RNF13: variants seen among roughly 807,000 people sequenced by gnomAD.
RNF13 encodes ring finger protein 13.
A neutral mutation model predicts 37.7 loss-of-function variants in RNF13; 19 were observed. The observed-to-expected ratio is 0.50, with a 90% confidence interval of 0.35 to 0.74. The LOEUF (loss-of-function observed/expected upper bound fraction) is 0.74, where lower values mean the gene tolerates loss of function less well. Ranked by LOEUF, RNF13 falls within the 30% of genes least tolerant of loss-of-function variation. RNF13 has a pLI of 0.01. For missense variants in RNF13, 375 were observed against 453.0 expected (o/e 0.83, Z 1.56); for synonymous variants, 144 against 157.8 (o/e 0.91, Z 0.65).
intron 8 of RNF13, among the ~76,000 whole-genome samples, chr3:149,922,362 G>A (rs1323078924): frequency 6.6e-6 from 1 of 152,176 alleles, no homozygotes; most frequent in Non-Finnish European, 1.5e-5. Flanking sequence ...TTTCAGTTAA[G>A]AATGAATGAA....
At chr3:149,875,061 G>T (rs1712530200) in intron 4 of RNF13, among the ~76,000 whole-genome samples, 1 of 152,026 alleles carries the variant, frequency 6.6e-6, no homozygotes, top group African/African-American at 2.4e-5. Context: ...AATTTTGTAT[G>T]ATGCATTGAC....
chr3:149,917,364 AATT>A (rs1717645618), intron 7 of RNF13: 1 of 152,200 alleles, frequency 6.6e-6, no homozygotes, highest in South Asian at 2.1e-4. Context: ...CTCAATAAAA[AATT>A]CTGTTTCTTG....
intron 1 of RNF13, among the ~76,000 whole-genome samples, chr3:149,823,257 C>G (rs1018262922): frequency 6.6e-6 from 1 of 152,046 alleles, no homozygotes; most frequent in African/African-American, 2.4e-5. Context: ...TATGGAAAGA[C>G]AGTGGAACCT....
chr3:149,863,929 A>G (rs1014307395), intron 3 of RNF13, among the ~76,000 whole-genome samples: 12 of 150,974 alleles, frequency 7.9e-5, no homozygotes, highest in African/African-American at 2.9e-4. Flanking sequence ...TTGCTAGTGT[A>G]AGCACAATCC....
intron 7 of RNF13, 106 bp downstream of exon 7, chr3:149,912,189 A>G: frequency 1.8e-6 from 1 of 543,822 alleles, no homozygotes; most frequent in Non-Finnish European, 3.2e-6. Context: ...AAGAGTACAT[A>G]TTATATAAAT....
At chr3:149,931,745 T>C (rs1719183532) in intron 8 of RNF13, among the ~76,000 whole-genome samples, 1 of 152,202 alleles carries the variant, frequency 6.6e-6, no homozygotes, top group Non-Finnish European at 1.5e-5. Context: ...TACATAACTT[T>C]ATTGTTAACT....
At chr3:149,818,868 G>A (rs539059041) in intron 1 of RNF13, among the ~76,000 whole-genome samples, 5 of 152,060 alleles carry the variant, frequency 3.3e-5, no homozygotes, top group East Asian at 1.9e-4. Context: ...CCAAGACCGC[G>A]GCACTGTACT....
chr3:149,893,258 T>G (rs1479025501), intron 4 of RNF13, among the ~76,000 whole-genome samples: 1 of 152,252 alleles, frequency 6.6e-6, no homozygotes, highest in Non-Finnish European at 1.5e-5. Flanking sequence ...GTTGCATGTT[T>G]GCCTTCACAC....
rs936078272 is a variant in RNF13 at position 149,813,295 on chromosome 3, C to T, written c.-75C>T. ...TTCAGTCATGAAATCAGGGTAGGGA[C>T]TTCTCCCGCAGCGACGCGGCTGGCA... On this transcript the variant is annotated 5_prime_UTR_variant, in exon 1 of 10. Transcript: ENST00000392894. 1 of 152,264 alleles carries T rather than the reference C, an allele frequency of 6.6e-6. No homozygotes were observed. Among genetic ancestry groups the T allele is most frequent in the Non-Finnish European group, 1.5e-5 (1 of 68,116 alleles). The allele number at this position is 152,264 out of a possible 1,614,324, so 9.4% of individuals were successfully genotyped here.
chr3:149,903,397 T>A (rs1440117735), intron 6 of RNF13, among the ~76,000 whole-genome samples: 2 of 152,044 alleles, frequency 1.3e-5, no homozygotes, highest in African/African-American at 4.8e-5. Flanking sequence ...TAAGAAGTAA[T>A]ATATAGATAC....
chr3:149,822,899 A>C (rs1295936225), intron 1 of RNF13, among the ~76,000 whole-genome samples: 1 of 152,166 alleles, frequency 6.6e-6, no homozygotes, highest in Non-Finnish European at 1.5e-5. Context: ...GCTAATTTGA[A>C]TATGTAAATT....
chr3:149,943,680 A>C (rs560040593), intron 8 of RNF13, among the ~76,000 whole-genome samples: 15 of 152,112 alleles, frequency 9.9e-5, no homozygotes, highest in South Asian at 6.2e-4. Context: ...CTGCCTGTTT[A>C]TCTCTCCCTT....
intron 1 of RNF13, among the ~76,000 whole-genome samples, chr3:149,817,490 A>G (rs1719587351): frequency 6.6e-6 from 1 of 152,186 alleles, no homozygotes; most frequent in Admixed American, 6.5e-5. Flanking sequence ...ATTGTTGAAC[A>G]TTTGAACATC....
intron 8 of RNF13, among the ~76,000 whole-genome samples, chr3:149,941,202 C>A (rs1298606369): frequency 2.0e-5 from 3 of 152,182 alleles, no homozygotes; most frequent in Non-Finnish European, 2.9e-5. Context: ...TGAATTCTTT[C>A]TGGATATATA....
At chr3:149,890,449 A>G (rs1439796270) in intron 4 of RNF13, among the ~76,000 whole-genome samples, 1 of 152,228 alleles carries the variant, frequency 6.6e-6, no homozygotes, top group Non-Finnish European at 1.5e-5. Context: ...AGCAATGGCA[A>G]TAAACATAAC....
At chr3:149,831,654 G>C (rs1021623253) in intron 1 of RNF13, among the ~76,000 whole-genome samples, 5 of 152,192 alleles carry the variant, frequency 3.3e-5, no homozygotes, top group Admixed American at 6.5e-5. Flanking sequence ...GGACTTTTGA[G>C]TTAATGCTGA....
At chr3:149,931,922 G>A (rs1228781297) in intron 8 of RNF13, among the ~76,000 whole-genome samples, 4 of 152,062 alleles carry the variant, frequency 2.6e-5, no homozygotes, top group East Asian at 1.9e-4. Context: ...TCCCACATAC[G>A]AGTGAGAACA....
chr3:149,846,011 G>A lies in RNF13; in HGVS notation c.-16G>A, dbSNP rs1284845146. 6.4e-7 allele frequency: 1 copy of A among 1,555,672 alleles called. No individual in the cohort carries two copies. The highest frequency in any genetic ancestry group is 2.2e-5 in the East Asian group (1 of 44,570). The stretch of plus-strand genomic sequence containing the variant: ...AGTTACTCACATCCTTGTCTTCCAG[G>A]TGATTTTACAACGAGATGCTGCTCT... On this transcript the variant is annotated splice_region_variant and 5_prime_UTR_variant, in exon 2 of 10. The change creates a new upstream start codon in the 5' untranslated region. Transcript: ENST00000392894.
chr3:149,935,646 C>T (rs1035483810), intron 8 of RNF13, among the ~76,000 whole-genome samples: 15 of 152,006 alleles, frequency 9.9e-5, no homozygotes, highest in Non-Finnish European at 4.4e-5. Context: ...ACAAAGAAAA[C>T]GACAAAAAAC....
Sources: allele counts gnomAD v4.1 joint callset (sites outside exome capture counted in the v4.1 genomes callset), GRCh38; gene constraint gnomAD v4.1.1; transcripts MANE v1.5; gene names NCBI Gene and HGNC (gene_info 2026-07-23, HGNC 2026-07-21).